The following RIMS1 variants were observed in gnomAD, a reference collection of about 807,000 sequenced individuals.
RIMS1 encodes the protein regulating synaptic membrane exocytosis 1.
RIMS1 carries 83 observed loss-of-function variants against 214.1 expected under a neutral mutation model. That is an observed-to-expected ratio of 0.39 (90% CI 0.32 to 0.47). The LOEUF is 0.47. RIMS1 is among the 20% of genes least tolerant of loss of function. RIMS1 has a pLI of 0.99. For synonymous variants in RIMS1, 793 were observed against 786.8 expected (o/e 1.01, Z -0.13); for missense variants, 2,050 against 2,161.8 (o/e 0.95, Z 1.03).
intron 2 of RIMS1, among the ~76,000 whole-genome samples, chr6:72,035,729 A>G (rs954802396): frequency 6.6e-6 from 1 of 152,136 alleles, no homozygotes; most frequent in African/African-American, 2.4e-5. Context: ...GAAGAAGAGA[A>G]AGAGTAGCTT....
At chr6:72,247,242 C>T (rs780464357) in intron 11 of RIMS1, among the ~76,000 whole-genome samples, 1 of 152,090 alleles carries the variant, frequency 6.6e-6, no homozygotes, top group Non-Finnish European at 1.5e-5. Context: ...TTACTTGAAG[C>T]AGCATTTTCA....
chr6:72,280,169 A>G (rs1010746526), intron 23 of RIMS1, among the ~76,000 whole-genome samples: 4 of 151,956 alleles, frequency 2.6e-5, no homozygotes, highest in Non-Finnish European at 5.9e-5. Flanking sequence ...TAAACTATCC[A>G]TTCAACAAAT....
intron 4 of RIMS1, among the ~76,000 whole-genome samples, chr6:72,152,227 T>A (rs1010218812): frequency 6.6e-6 from 1 of 152,188 alleles, no homozygotes; most frequent in Non-Finnish European, 1.5e-5. Context: ...TTAACCAACA[T>A]TTTTATAGCA....
chr6:72,325,687 ACTTATAG>A (rs1285596974), intron 28 of RIMS1, among the ~76,000 whole-genome samples: 1 of 151,864 alleles, frequency 6.6e-6, no homozygotes, highest in African/African-American at 2.4e-5. Flanking sequence ...ACTGAAGACT[ACTTATAG>A]CTTCACATAA....
chr6:72,064,015 A>G (rs1206110252), intron 2 of RIMS1, among the ~76,000 whole-genome samples: 1 of 152,128 alleles, frequency 6.6e-6, no homozygotes, highest in Non-Finnish European at 1.5e-5. Context: ...GTCATATTAA[A>G]TTAGTCTAAT....
intron 29 of RIMS1, among the ~76,000 whole-genome samples, chr6:72,348,229 T>C (rs538945522): frequency 6.6e-6 from 1 of 152,030 alleles, no homozygotes; most frequent in African/African-American, 2.4e-5. Context: ...CAGTTTGAGC[T>C]TCGCAGGCCC....
At chr6:72,273,231 C>T (rs773486688) in intron 22 of RIMS1, among the ~76,000 whole-genome samples, 3 of 152,040 alleles carry the variant, frequency 2.0e-5, no homozygotes, top group South Asian at 2.1e-4. Flanking sequence ...CTAAAATATT[C>T]AGTAAACCAA....
At chr6:71,892,878 A>G (rs1396416748) in intron 1 of RIMS1, among the ~76,000 whole-genome samples, 1 of 152,146 alleles carries the variant, frequency 6.6e-6, no homozygotes, top group Non-Finnish European at 1.5e-5. Flanking sequence ...TGAGTGCTGG[A>G]TAGTTGGATA....
chr6:72,009,773 C>A (rs1013796150), intron 2 of RIMS1, among the ~76,000 whole-genome samples: 2 of 151,998 alleles, frequency 1.3e-5, no homozygotes, highest in African/African-American at 4.8e-5. Flanking sequence ...AAGACTAAAC[C>A]AGGAAGAAGT....
intron 15 of RIMS1, among the ~76,000 whole-genome samples, 193 bp from the exon 16 acceptor site, chr6:72,252,568 A>G (rs569688244): frequency 1.3e-5 from 2 of 152,284 alleles, no homozygotes; most frequent in Non-Finnish European, 2.9e-5. Context: ...TGTAATGAGG[A>G]AAAAAATACT....
At chr6:72,160,833 T>C (rs2045279643) in intron 4 of RIMS1, among the ~76,000 whole-genome samples, 1 of 140,514 alleles carries the variant, frequency 7.1e-6, no homozygotes, top group Non-Finnish European at 1.6e-5. Flanking sequence ...GGGATATTGG[T>C]CTGAAATTCT....
At chr6:72,306,173 T>TA (rs1233939617) in intron 26 of RIMS1, among the ~76,000 whole-genome samples, 4 of 152,140 alleles carry the variant, frequency 2.6e-5, no homozygotes, top group African/African-American at 9.6e-5. Flanking sequence ...CATTAACTTG[T>TA]AAACCATTAG....
chr6:72,075,407 C>G (rs1382034808), intron 2 of RIMS1, among the ~76,000 whole-genome samples: 1 of 151,856 alleles, frequency 6.6e-6, no homozygotes, highest in African/African-American at 2.4e-5. Context: ...TGTACTCAGC[C>G]TCTTTAAGTA....
chr6:72,036,856 G>A (rs76266238), intron 2 of RIMS1, among the ~76,000 whole-genome samples: 1,974 of 152,188 alleles, frequency 0.013, 54 homozygotes, highest in African/African-American at 0.046. Context: ...AATGAAAGGG[G>A]GCAACATGGG....
chr6:72,350,728 C>G (rs1202501027), intron 29 of RIMS1, among the ~76,000 whole-genome samples: 2 of 152,072 alleles, frequency 1.3e-5, no homozygotes, highest in African/African-American at 4.8e-5. Context: ...TTATCTTGCC[C>G]TGGAGTTATT....
chr6:72,153,072 T>A (rs2043943275), intron 4 of RIMS1, among the ~76,000 whole-genome samples: 1 of 143,454 alleles, frequency 7.0e-6, no homozygotes, highest in African/African-American at 2.5e-5. Context: ...TCCCTATGTA[T>A]ATATATGGAA....
At chr6:72,178,759 C>G (rs1333338705) in intron 4 of RIMS1, among the ~76,000 whole-genome samples, 17 of 152,136 alleles carry the variant, frequency 1.1e-4, no homozygotes, top group Non-Finnish European at 1.8e-4. Flanking sequence ...TGATAATCGT[C>G]CTCATTATTA....
At chr6:72,261,396 T>C in intron 19 of RIMS1, 2 of 985,636 alleles carry the variant, frequency 2.0e-6, no homozygotes, top group Non-Finnish European at 2.4e-6. Context: ...GAATGCCTCT[T>C]TAGAAGCGAC....
At chr6:72,006,781 G>A (rs1807838293) in intron 2 of RIMS1, among the ~76,000 whole-genome samples, 1 of 152,248 alleles carries the variant, frequency 6.6e-6, no homozygotes, top group South Asian at 2.1e-4. Context: ...TGGGGGAGGG[G>A]CGCCTGCCAT....
Sources: allele counts gnomAD v4.1 joint callset (sites outside exome capture counted in the v4.1 genomes callset), GRCh38; gene constraint gnomAD v4.1.1; transcripts MANE v1.5; gene names NCBI Gene and HGNC (gene_info 2026-07-23, HGNC 2026-07-21).